The following DGKI variants were observed in gnomAD, a reference collection of about 807,000 sequenced individuals.
The protein encoded by DGKI is diacylglycerol kinase iota.
A neutral mutation model predicts 147.5 loss-of-function variants in DGKI; 55 were observed. The observed-to-expected ratio is 0.37, with a 90% CI of 0.30 to 0.47. The LOEUF (loss-of-function observed/expected upper bound fraction) is 0.47, where lower values mean the gene tolerates loss of function less well. Ranked by LOEUF, DGKI falls within the 20% of genes least tolerant of loss-of-function variation. The probability of loss-of-function intolerance (pLI) is 1.00; values close to 1 mark genes in which losing one functional copy is unlikely to be tolerated. For missense variants in DGKI, 1,007 were observed against 1,323.8 expected (o/e 0.76, Z 3.71); for synonymous variants, 469 against 477.1 (o/e 0.98, Z 0.22).
At chr7:137,833,866 C>T (rs2117080035) in intron 1 of DGKI, among the ~76,000 whole-genome samples, 1 of 152,204 alleles carries the variant, frequency 6.6e-6, no homozygotes, top group African/African-American at 2.4e-5. Flanking sequence ...CACAAGAGGA[C>T]AGAGGTCATT....
In DGKI at chr7:137,495,502, CAAAAAAAAAAAA is replaced by C. The variant is rs34551145; in HGVS notation, c.2249-7825_2249-7814del. On this transcript the variant is annotated intron_variant, in intron 21 of 32. Transcript: ENST00000614521. ...TCCTGATACCAAAACCTGGCAGAGACAAAAAAAAAAAAAAAAAAAAAAAAAATCCTTCTTTAA... is the reference window on the plus strand; with the variant it reads ...TCCTGATACCAAAACCTGGCAGAGACAAAAAAAAAAAAAATCCTTCTTTAA... 2.8e-3 allele frequency among the ~76,000 whole-genome samples: 159 copies of C among 57,400 alleles called. 1 individual carries two copies. Among genetic ancestry groups the C allele is most frequent in the Non-Finnish European group, 2.8e-3 (82 of 29,240 alleles). 37.7% of individuals were successfully genotyped at this position (57,400 alleles called of 152,430 possible).
intron 3 of DGKI, among the ~76,000 whole-genome samples, chr7:137,657,122 G>A (rs999690549): frequency 6.6e-5 from 10 of 152,152 alleles, no homozygotes; most frequent in East Asian, 1.9e-4. Flanking sequence ...CAGCTTTTAC[G>A]CCCAGGAAAC....
intron 6 of DGKI, among the ~76,000 whole-genome samples, chr7:137,638,576 GTA>G (rs1174592011): frequency 2.0e-5 from 1 of 50,236 alleles, no homozygotes; most frequent in Non-Finnish European, 4.1e-5. Flanking sequence ...ACACATATAT[GTA>G]TATATACACA....
chr7:137,752,718 T>C (rs1795541255), intron 1 of DGKI, among the ~76,000 whole-genome samples: 1 of 152,168 alleles, frequency 6.6e-6, no homozygotes, highest in African/African-American at 2.4e-5. Flanking sequence ...CCCTCTCACA[T>C]GGACCCCCTT....
At chr7:137,526,348 A>T (rs1427095400) in intron 20 of DGKI, among the ~76,000 whole-genome samples, 1 of 145,852 alleles carries the variant, frequency 6.9e-6, no homozygotes, top group Non-Finnish European at 1.5e-5. Context: ...GGGATTTAGC[A>T]GTCTGTGAAT....
At chr7:137,615,531 ATGTGTGTGTGTGTG>A (rs5887846) in intron 8 of DGKI, among the ~76,000 whole-genome samples, 9 of 135,756 alleles carry the variant, frequency 6.6e-5, no homozygotes, top group South Asian at 2.4e-4. Flanking sequence ...ATATGTATGT[ATGTGTGTGTGTGTG>A]TGTGTGTGTG....
intron 5 of DGKI, among the ~76,000 whole-genome samples, chr7:137,646,253 G>A (rs1301540257): frequency 1.3e-5 from 2 of 152,160 alleles, no homozygotes; most frequent in Non-Finnish European, 2.9e-5. Flanking sequence ...CCTAATACAA[G>A]ACATAGACGT....
chr7:137,769,893 A>G (rs1159839146), intron 1 of DGKI, among the ~76,000 whole-genome samples: 1 of 152,248 alleles, frequency 6.6e-6, no homozygotes, highest in East Asian at 1.9e-4. Context: ...AATTAGTTCA[A>G]CCATTGTGGA....
At chr7:137,395,718 GA>G in intron 31 of DGKI, 21 bp from the exon 32 acceptor site, 1 of 1,612,004 alleles carries the variant, frequency 6.2e-7, no homozygotes, top group African/African-American at 1.3e-5. Context: ...GATGAAATGG[GA>G]AACCACCCAT....
intron 32 of DGKI, among the ~76,000 whole-genome samples, chr7:137,393,643 C>T (rs1211814423): frequency 1.3e-5 from 2 of 152,210 alleles, no homozygotes; most frequent in Non-Finnish European, 2.9e-5. Context: ...ACCACAATTA[C>T]TTTTACACCA....
At chr7:137,803,390 A>C (rs1032595784) in intron 1 of DGKI, among the ~76,000 whole-genome samples, 1 of 152,216 alleles carries the variant, frequency 6.6e-6, no homozygotes, top group African/African-American at 2.4e-5. Context: ...ATGTGACTGG[A>C]ACTGTATTTT....
Position 137,389,932 on chromosome 7 carries a change from G to T in DGKI, c.*1288C>A, listed in dbSNP as rs1811297001. The T allele has an allele frequency of 6.6e-6, 1 of 152,166 alleles. No homozygotes were observed. The highest frequency in any genetic ancestry group is 1.5e-5 in the Non-Finnish European group (1 of 68,022). 9.4% of individuals were successfully genotyped at this position (152,166 alleles called of 1,614,324 possible). A position where few individuals can be genotyped will look rare whatever the true frequency, so the allele number is the denominator to read the frequency against. On this transcript the variant is annotated 3_prime_UTR_variant, in exon 33 of 33. Transcript: ENST00000614521. Reference sequence around the variant, plus strand: ...CCTTTGGACCTGACAAATAATAGTTGAAGCATCCTTCTGAATGATCCAGGC... The same window carrying T: ...CCTTTGGACCTGACAAATAATAGTTTAAGCATCCTTCTGAATGATCCAGGC...
At chr7:137,638,992 A>G (rs575186202) in intron 6 of DGKI, among the ~76,000 whole-genome samples, 1 of 152,210 alleles carries the variant, frequency 6.6e-6, no homozygotes, top group South Asian at 2.1e-4. Context: ...TTTACCATAC[A>G]CTGCTTTACA....
chr7:137,570,593 ATTTT>A (rs199646642), intron 19 of DGKI, among the ~76,000 whole-genome samples: 1 of 143,322 alleles, frequency 7.0e-6, no homozygotes, highest in Non-Finnish European at 1.5e-5. Context: ...CTATAGTGTA[ATTTT>A]TTTTTTTTTT....
rs560823525 is a variant in DGKI at position 137,514,355 on chromosome 7, C to T, written c.2248+7511G>A. ...ACATTCACTTGACCCTATTTGCACA[C>T]GAATCCTCTCTATGCACTTTCACAT... is the stretch of plus-strand genomic sequence containing the variant. On this transcript the variant is annotated intron_variant, in intron 21 of 32. Transcript: ENST00000614521. Among the ~76,000 whole-genome samples the T allele has an allele frequency of 1.1e-4, 16 of 152,272 alleles. No homozygotes were observed. The South Asian group carries it at 1.5e-3, about 14-fold the overall frequency.
chr7:137,690,856 A>G (rs557816485), intron 1 of DGKI, among the ~76,000 whole-genome samples: 17 of 151,512 alleles, frequency 1.1e-4, no homozygotes, highest in African/African-American at 3.9e-4. Flanking sequence ...CAAGAAGAAG[A>G]AAAAAAAAGC....
At chr7:137,483,228 T>G (rs1347079072) in intron 23 of DGKI, among the ~76,000 whole-genome samples, 1 of 152,022 alleles carries the variant, frequency 6.6e-6, no homozygotes, top group African/African-American at 2.4e-5. Context: ...ACACCAAAAA[T>G]GACTACATCG....
intron 19 of DGKI, among the ~76,000 whole-genome samples, chr7:137,557,457 T>C (rs536241938): frequency 1.3e-5 from 2 of 152,250 alleles, no homozygotes; most frequent in East Asian, 1.9e-4. Context: ...GCATTATAAA[T>C]TATTGGAGAA....
chr7:137,666,486 G>T (rs532348692), intron 3 of DGKI, among the ~76,000 whole-genome samples: 10 of 152,316 alleles, frequency 6.6e-5, no homozygotes, highest in Admixed American at 5.9e-4. Context: ...ATTCATTTGG[G>T]TGACTATCGC....
Sources: gnomAD v4.1 joint callset for allele counts (sites outside exome capture counted in the v4.1 genomes callset) on GRCh38, gnomAD v4.1.1 for gene constraint, MANE v1.5 for transcripts, NCBI Gene and HGNC (gene_info 2026-07-23, HGNC 2026-07-21) for gene names.